JAKMIP3: variants seen among roughly 807,000 people sequenced by gnomAD.
JAKMIP3 encodes Janus kinase and microtubule interacting protein 3.
In JAKMIP3, 58 loss-of-function variants were observed where a neutral mutation model predicts 118.5. The observed-to-expected ratio is 0.49, with a 90% confidence interval of 0.40 to 0.61. The LOEUF (loss-of-function observed/expected upper bound fraction) is 0.61, where lower values mean the gene tolerates loss of function less well. Among genes scored for constraint, JAKMIP3 ranks in the 20% least tolerant of loss-of-function variants. The pLI, the probability that JAKMIP3 is intolerant of heterozygous loss-of-function variation, is 0.00. For synonymous variants in JAKMIP3, 486 were observed against 451.2 expected (o/e 1.08, Z -0.98); for missense variants, 950 against 1,109.0 (o/e 0.86, Z 2.04).
chr10:132,065,771 G>C (rs544659103), upstream of JAKMIP3, among the ~76,000 whole-genome samples: 2 of 152,110 alleles, frequency 1.3e-5, no homozygotes, highest in Non-Finnish European at 2.9e-5. The surrounding 1 kb of genome is among the most constrained non-coding windows in gnomAD (Gnocchi z 5.6). Flanking sequence ...GAGCTGGGCT[G>C]GGGGCTCAGA....
At position 132,086,241 on chromosome 10, in the gene JAKMIP3, G is replaced by A. The variant is rs112424972; in HGVS notation, c.-137-18431G>A. ...TGAGAGAGTGCTTAGTATAATTTCA[G>A]TTTTCTTAAATTTATTGAGGCTTGT... On this transcript the variant is annotated intron_variant, in intron 1 of 23. Coordinates refer to ENST00000684848, the MANE Select transcript of JAKMIP3 (RefSeq NM_001323087.2). 4.1e-3 allele frequency among the ~76,000 whole-genome samples: 628 copies of A among 152,158 alleles called. 2 individuals are homozygous for A. Among genetic ancestry groups the A allele is most frequent in the African/African-American group, 0.014 (600 of 41,512 alleles).
rs1436819901 is a variant in JAKMIP3, at chr10:132,180,549, GCGTGCA to G, written c.*1104-1807_*1104-1802del. 3.6e-3 allele frequency among the ~76,000 whole-genome samples: 89 copies of G among 24,704 alleles called. 20 individuals are homozygous for G. Among genetic ancestry groups the G allele is most frequent in the African/African-American group, 0.016 (73 of 4,572 alleles). The allele number at this position is 24,704 out of a possible 152,430, so 16.2% of individuals were successfully genotyped here. A position where few individuals can be genotyped will look rare whatever the true frequency, so the allele number is the denominator to read the frequency against. ...TGTGTGTGTGTGTGTGTGTGTGCGT[GCGTGCA>G]TGCGTGTGTGTGCGTGTGTGTGTGC... is the stretch of plus-strand genomic sequence containing the variant. On this transcript the variant is annotated intron_variant, in intron 23 of 23. Coordinates refer to ENST00000684848, the MANE Select transcript of JAKMIP3 (RefSeq NM_001323087.2).
At chr10:132,084,765 TGA>T (rs2042176278) in intron 1 of JAKMIP3, among the ~76,000 whole-genome samples, 1 of 152,248 alleles carries the variant, frequency 6.6e-6, no homozygotes, top group South Asian at 2.1e-4. Flanking sequence ...CCAATCTTGC[TGA>T]GAGTTTTAAT....
intron 2 of JAKMIP3, among the ~76,000 whole-genome samples, chr10:132,115,477 A>G (rs1313719273): frequency 6.6e-6 from 1 of 152,096 alleles, no homozygotes; most frequent in Non-Finnish European, 1.5e-5. Context: ...CTGATCTTGC[A>G]CTCTAGTTTT....
rs1458174543 is a variant in JAKMIP3, at chr10:132,163,196, C to T, written c.2221-13C>T. On this transcript the variant is annotated splice_polypyrimidine_tract_variant and intron_variant, in intron 19 of 23. Transcript: ENST00000684848. ...AGAAGGCAAGGACTAAGGCGTCTCC[C>T]CTTCCGCCCCAGCACATCCTGGAGC... 6.5e-7 allele frequency: 1 copy of T among 1,550,058 alleles called. No individual in the cohort carries two copies. Among genetic ancestry groups the T allele is most frequent in the African/African-American group, 1.4e-5 (1 of 73,148 alleles).
At chr10:132,063,309 T>C (rs2038471450), upstream of JAKMIP3, among the ~76,000 whole-genome samples, 1 of 152,154 alleles carries the variant, frequency 6.6e-6, no homozygotes, top group African/African-American at 2.4e-5. Context: ...TTAAGCCTCT[T>C]TTCCTCAGAA....
intron 20 of JAKMIP3, among the ~76,000 whole-genome samples, chr10:132,163,663 C>T (rs982026664): frequency 6.6e-6 from 1 of 152,204 alleles, no homozygotes; most frequent in Non-Finnish European, 1.5e-5. Flanking sequence ...ATGGCCACGC[C>T]CCCTGCTGGC....
At chr10:132,131,649 T>A (rs2050638252) in intron 3 of JAKMIP3, among the ~76,000 whole-genome samples, 1 of 152,000 alleles carries the variant, frequency 6.6e-6, no homozygotes, top group Non-Finnish European at 1.5e-5. Flanking sequence ...GGCGGCCGTT[T>A]GGAAGCCATA....
chr10:132,051,726 T>G (rs1358852011), intron 1 of JAKMIP3, among the ~76,000 whole-genome samples: 1 of 152,162 alleles, frequency 6.6e-6, no homozygotes, highest in East Asian at 1.9e-4. Flanking sequence ...CACCTCAGCC[T>G]CCTGAGTAGT....
intron 1 of JAKMIP3, among the ~76,000 whole-genome samples, chr10:132,072,350 G>C (rs1165337707): frequency 6.6e-6 from 1 of 152,026 alleles, no homozygotes; most frequent in African/African-American, 2.4e-5. Flanking sequence ...TTTGAGACCA[G>C]CCTGGGTAAC....
chr10:132,050,100 C>G (rs2038055225), intron 1 of JAKMIP3, among the ~76,000 whole-genome samples: 1 of 152,200 alleles, frequency 6.6e-6, no homozygotes, highest in Non-Finnish European at 1.5e-5. Flanking sequence ...GGGAGCTTCT[C>G]TCTTCCTTTT....
At chr10:132,171,329 C>T (rs1481900034) in intron 23 of JAKMIP3, among the ~76,000 whole-genome samples, 1 of 152,298 alleles carries the variant, frequency 6.6e-6, no homozygotes, top group East Asian at 1.9e-4. Context: ...TGCCCTAGTC[C>T]CCACTCCCAG....
intron 2 of JAKMIP3, among the ~76,000 whole-genome samples, chr10:132,107,442 C>T (rs188528541): frequency 6.6e-6 from 1 of 152,320 alleles, no homozygotes; most frequent in Non-Finnish European, 1.5e-5. Flanking sequence ...CGCTGGGCAC[C>T]CTGCGGGGCA....
At chr10:132,071,853 C>CCTTTCTTTCCTTT (rs143384897) in intron 1 of JAKMIP3, among the ~76,000 whole-genome samples, 1,367 of 114,898 alleles carry the variant, frequency 0.012, 49 homozygotes, top group African/African-American at 0.045. Context: ...TTCTTTCTTT[C>CCTTTCTTTCCTTT]CTTTCTTTCC....
At chr10:132,103,438 GGGGGAGAGGA>G (rs1257185203) in intron 1 of JAKMIP3, among the ~76,000 whole-genome samples, 20 of 82,330 alleles carry the variant, frequency 2.4e-4, no homozygotes, top group African/African-American at 1.2e-3. Flanking sequence ...AGGAGCACCT[GGGGGAGAGGA>G]GCAGCTGGGG....
At chr10:132,074,345 C>T (rs926040799) in intron 1 of JAKMIP3, among the ~76,000 whole-genome samples, 1 of 152,202 alleles carries the variant, frequency 6.6e-6, no homozygotes, top group Non-Finnish European at 1.5e-5. Flanking sequence ...GGCCATGGCA[C>T]CTGGCCCCAT....
At chr10:132,134,906 C>A in intron 4 of JAKMIP3, 135 bp from the exon 5 acceptor site, 1 of 1,164,520 alleles carries the variant, frequency 8.6e-7, no homozygotes, top group Non-Finnish European at 1.2e-6. Context: ...GGGCTCCGAA[C>A]CTTCCCGGCA....
chr10:132,038,606 G>A (rs1002988229), intron 1 of JAKMIP3, among the ~76,000 whole-genome samples: 43 of 152,088 alleles, frequency 2.8e-4, no homozygotes, highest in African/African-American at 1.0e-3. Context: ...AGACCAGCTT[G>A]GCCAACATAG....
chr10:132,057,213 G>A (rs751323079), intron 1 of JAKMIP3, among the ~76,000 whole-genome samples: 6 of 152,274 alleles, frequency 3.9e-5, no homozygotes, highest in East Asian at 3.9e-4. Context: ...ACATCTGGGC[G>A]CAACCCCCTG....
Sources: gnomAD v4.1 joint callset for allele counts (sites outside exome capture counted in the v4.1 genomes callset) on GRCh38, gnomAD v4.1.1 for gene constraint, Gnocchi (gnomAD v3.1) non-coding constraint, MANE v1.5 for transcripts, NCBI Gene and HGNC (gene_info 2026-07-23, HGNC 2026-07-21) for gene names.